Variants in CDH4 observed in about 807,000 individuals in gnomAD.
The protein encoded by CDH4 is cadherin 4.
Under a neutral mutation model 86.0 loss-of-function variants are expected in CDH4, and 33 were observed. That is an observed-to-expected ratio of 0.38 (90% CI 0.29 to 0.51). CDH4 has a LOEUF of 0.51. Among genes scored for constraint, CDH4 ranks in the 20% least tolerant of loss-of-function variants. CDH4 has a pLI of 0.86. For missense variants in CDH4, 1,114 were observed against 1,307.4 expected (o/e 0.85, Z 2.28); for synonymous variants, 555 against 549.4 (o/e 1.01, Z -0.14).
At chr20:61,705,905 T>C (rs1280923012) in intron 2 of CDH4, among the ~76,000 whole-genome samples, 1 of 152,224 alleles carries the variant, frequency 6.6e-6, no homozygotes, top group Non-Finnish European at 1.5e-5. Context: ...TGTGTCAAGA[T>C]TTCCCAGATG....
chr20:61,289,438 G>T (rs932061791), intron 2 of CDH4, among the ~76,000 whole-genome samples: 1 of 152,184 alleles, frequency 6.6e-6, no homozygotes, highest in African/African-American at 2.4e-5. Context: ...CTGCCTGCTC[G>T]TGCCACCAGC....
rs147778244 is a variant in CDH4 at position 61,546,402 on chromosome 20, C to CGT, written c.170-197149_170-197148dup. Among the ~76,000 whole-genome samples, 50 of 150,252 alleles carry CGT rather than the reference C, an allele frequency of 3.3e-4. No homozygotes were observed. The East Asian group carries it at 6.8e-3, about 20-fold the overall frequency. ...AGGTATGTGTGCACACATGCATGTG[C>CGT]GTGTGTGTGTGTGCGTTAGATGCCC... On this transcript the variant is annotated intron_variant, in intron 2 of 15. Coordinates refer to ENST00000614565, the MANE Select transcript of CDH4 (RefSeq NM_001794.5).
rs1045663128 is a variant in CDH4 at position 61,365,667 on chromosome 20, G to C, written c.169+110730G>C. 3.3e-5 allele frequency among the ~76,000 whole-genome samples: 5 copies of C among 152,122 alleles called. No individual in the cohort carries two copies. The South Asian group carries it at 1.0e-3, about 32-fold the overall frequency. On this transcript the variant is annotated intron_variant, in intron 2 of 15. Coordinates refer to ENST00000614565, the MANE Select transcript of CDH4 (RefSeq NM_001794.5). ...GCCAGGGCCTGGTGCATTGGTGAGA[G>C]ATGAGCTACTCATTGACGCAGCAGA...
intron 2 of CDH4, among the ~76,000 whole-genome samples, chr20:61,497,341 T>C (rs1402087350): frequency 6.6e-6 from 1 of 152,216 alleles, no homozygotes; most frequent in Non-Finnish European, 1.5e-5. Flanking sequence ...GTTTTAGAAT[T>C]CTATGTTAAT....
At chr20:61,329,446 C>CT (rs1555837312) in intron 2 of CDH4, among the ~76,000 whole-genome samples, 1 of 30,618 alleles carries the variant, frequency 3.3e-5, no homozygotes, top group Non-Finnish European at 8.2e-5. Flanking sequence ...CATGGTCCCC[C>CT]GTGGGTCTGG....
intron 2 of CDH4, among the ~76,000 whole-genome samples, chr20:61,479,059 T>C (rs1285037129): frequency 2.0e-5 from 3 of 152,158 alleles, no homozygotes; most frequent in Non-Finnish European, 4.4e-5. Context: ...CGTGGTCTTC[T>C]GGCTTGCATC....
chr20:61,369,332 T>A (rs1209167793), intron 2 of CDH4, among the ~76,000 whole-genome samples: 2 of 150,756 alleles, frequency 1.3e-5, no homozygotes, highest in Non-Finnish European at 2.9e-5. Flanking sequence ...GCACCTGTAG[T>A]CCCAGCTACT....
chr20:61,566,290 G>T (rs184262326), intron 2 of CDH4, among the ~76,000 whole-genome samples: 1 of 152,170 alleles, frequency 6.6e-6, no homozygotes, highest in African/African-American at 2.4e-5. Context: ...AGTGTTTCTC[G>T]CCTTTCCGTT....
At chr20:61,890,254 T>TA (rs1984759649) in intron 7 of CDH4, among the ~76,000 whole-genome samples, 1 of 150,450 alleles carries the variant, frequency 6.6e-6, no homozygotes, top group Admixed American at 6.6e-5. Flanking sequence ...GATGGATGCA[T>TA]AGATGGATAA....
intron 2 of CDH4, among the ~76,000 whole-genome samples, chr20:61,281,190 A>G (rs1453198914): frequency 6.6e-6 from 1 of 152,042 alleles, no homozygotes; most frequent in Non-Finnish European, 1.5e-5. Context: ...GCGGGTTCTC[A>G]CCAAGGGCCG....
intron 2 of CDH4, among the ~76,000 whole-genome samples, chr20:61,293,987 C>T (rs535113899): frequency 2.6e-5 from 4 of 152,140 alleles, no homozygotes; most frequent in South Asian, 4.2e-4. Flanking sequence ...TCTTTGTGGT[C>T]GTTTCCTTCT....
intron 2 of CDH4, among the ~76,000 whole-genome samples, chr20:61,601,300 A>G (rs116211265): frequency 0.021 from 3,172 of 152,290 alleles, 97 homozygotes; most frequent in African/African-American, 0.063. Context: ...CCAAGCCACA[A>G]GGGATCCCCA....
intron 7 of CDH4, among the ~76,000 whole-genome samples, chr20:61,875,718 C>T (rs1037610518): frequency 2.0e-5 from 3 of 152,212 alleles, no homozygotes; most frequent in Non-Finnish European, 2.9e-5. Flanking sequence ...AACCAGCGCC[C>T]GCTCCGCTCA....
chr20:61,358,348 A>G (rs1350596203), intron 2 of CDH4, among the ~76,000 whole-genome samples: 1 of 152,230 alleles, frequency 6.6e-6, no homozygotes, highest in Non-Finnish European at 1.5e-5. Context: ...CACATCAGTC[A>G]GGCTATGCCC....
At chr20:61,750,941 T>C (rs2088485309) in intron 3 of CDH4, among the ~76,000 whole-genome samples, 1 of 152,214 alleles carries the variant, frequency 6.6e-6, no homozygotes, top group Non-Finnish European at 1.5e-5. Flanking sequence ...ACTTCTTACA[T>C]TTTGTTGAGA....
intron 2 of CDH4, among the ~76,000 whole-genome samples, chr20:61,638,088 G>A (rs964973489): frequency 6.6e-6 from 1 of 151,372 alleles, no homozygotes; most frequent in Non-Finnish European, 1.5e-5. Context: ...ACAGACATGA[G>A]GCTAATTAGG....
At chr20:61,823,274 G>C (rs370712445) in intron 4 of CDH4, among the ~76,000 whole-genome samples, 1 of 818 alleles carries the variant, frequency 1.2e-3, no homozygotes, top group African/African-American at 3.9e-3. Flanking sequence ...TGGTGGTGAT[G>C]ATGGTGTTGA....
Position 61,623,250 on chromosome 20 carries a change from G to A in CDH4, c.170-120313G>A, listed in dbSNP as rs559541234. ...CACGCTGCACCCCACTCACCACACTGCGGCGCCTGCTTTTTCCTTGAGCAT... is the reference window on the plus strand; with the variant it reads ...CACGCTGCACCCCACTCACCACACTACGGCGCCTGCTTTTTCCTTGAGCAT... On this transcript the variant is annotated intron_variant, in intron 2 of 15. Coordinates refer to ENST00000614565, the MANE Select transcript of CDH4 (RefSeq NM_001794.5). The surrounding 1 kb of genome is among the most constrained non-coding windows in gnomAD (Gnocchi z 4.4). Among the ~76,000 whole-genome samples the A allele has an allele frequency of 5.9e-5, 9 of 152,124 alleles. No homozygotes were observed. The highest frequency in any genetic ancestry group is 1.0e-4 in the Non-Finnish European group (7 of 68,032).
At position 61,925,008 on chromosome 20, in the gene CDH4, C is replaced by T. The variant is rs183639805; in HGVS notation, c.1771+532C>T. Among the ~76,000 whole-genome samples the T allele has an allele frequency of 1.7e-3, 252 of 152,298 alleles. 3 individuals carry two copies. Among genetic ancestry groups the T allele is most frequent in the Admixed American group, 4.6e-3 (70 of 15,310 alleles). On this transcript the variant is annotated intron_variant, in intron 11 of 15. Transcript: ENST00000614565. The stretch of plus-strand genomic sequence containing the variant: ...GTGCCGCCCTCGTGTCTCTGACCAC[C>T]CACGGCACAGACCCCTGTGGCCCTT...
Sources: allele counts gnomAD v4.1 joint callset (sites outside exome capture counted in the v4.1 genomes callset), GRCh38; gene constraint gnomAD v4.1.1; non-coding constraint Gnocchi (gnomAD v3.1); transcripts MANE v1.5; gene names NCBI Gene and HGNC (gene_info 2026-07-23, HGNC 2026-07-21).